SNX13: variants seen among roughly 807,000 people sequenced by gnomAD.
The protein encoded by SNX13 is sorting nexin 13, also known as sorting nexin-13.
SNX13 carries 45 observed loss-of-function variants against 133.6 expected under a neutral mutation model. That is an observed-to-expected ratio of 0.34 (90% CI 0.27 to 0.43). SNX13 has a LOEUF of 0.43. SNX13 is among the 20% of genes least tolerant of loss of function. The pLI is 1.00. For synonymous variants in SNX13, 414 were observed against 373.9 expected (o/e 1.11, Z -1.24); for missense variants, 1,032 against 1,145.1 (o/e 0.90, Z 1.43).
chr7:17,911,275 T>C (rs921752319), intron 1 of SNX13, among the ~76,000 whole-genome samples: 3 of 152,312 alleles, frequency 2.0e-5, no homozygotes, highest in South Asian at 2.1e-4. Context: ...TAGGAATGTA[T>C]CTGAAAAACA....
intron 9 of SNX13, among the ~76,000 whole-genome samples, chr7:17,854,113 A>AT (rs1365409664): frequency 2.0e-5 from 3 of 152,044 alleles, no homozygotes; most frequent in South Asian, 4.2e-4. Context: ...AGTGTAAAAG[A>AT]TTTTTTTTCT....
chr7:17,922,188 A>G (rs1483755351), intron 1 of SNX13, among the ~76,000 whole-genome samples: 1 of 152,218 alleles, frequency 6.6e-6, no homozygotes, highest in Non-Finnish European at 1.5e-5. Flanking sequence ...AGGGTTACAA[A>G]TACTCATTTC....
intron 8 of SNX13, among the ~76,000 whole-genome samples, chr7:17,871,647 A>G (rs1474596860): frequency 6.6e-6 from 1 of 152,056 alleles, no homozygotes; most frequent in Non-Finnish European, 1.5e-5. Context: ...TTCCCACTAC[A>G]TCTGATGTTT....
chr7:17,862,594 A>G (rs1792847068), intron 9 of SNX13, among the ~76,000 whole-genome samples: 1 of 152,224 alleles, frequency 6.6e-6, no homozygotes, highest in South Asian at 2.1e-4. Context: ...TGCAAAAGAT[A>G]TGAACAATTT....
At chr7:17,794,906 TGGG>T (rs1221712203) in intron 25 of SNX13, 1 of 151,674 alleles carries the variant, frequency 6.6e-6, no homozygotes, top group Non-Finnish European at 1.5e-5. Context: ...ATATTGGTAG[TGGG>T]GAGACTTTCA....
chr7:17,826,164 A>T, intron 16 of SNX13, 73 bp from the exon 17 acceptor site: 1 of 901,738 alleles, frequency 1.1e-6, no homozygotes, highest in Non-Finnish European at 1.7e-6. Context: ...ATTCTACATC[A>T]TATATGCATT....
intron 1 of SNX13, among the ~76,000 whole-genome samples, chr7:17,904,746 T>C (rs922958300): frequency 1.3e-5 from 2 of 152,170 alleles, no homozygotes; most frequent in Admixed American, 1.3e-4. Flanking sequence ...ATTATATATA[T>C]AGTTCAACAA....
chr7:17,792,882 G>A lies in SNX13; in HGVS notation c.*1163C>T, dbSNP rs1223488521. 2.0e-5 allele frequency: 3 copies of A among 152,064 alleles called. No homozygotes were observed. Among genetic ancestry groups the A allele is most frequent in the Non-Finnish European group, 4.4e-5 (3 of 67,768 alleles). 9.4% of individuals were successfully genotyped at this position (152,064 alleles called of 1,614,324 possible). Reference sequence around the variant, plus strand: ...TTTTATTGATATAAAATTAATTTATGGGTTTAAAGGTATACACTGAGGGGT... The same window carrying A: ...TTTTATTGATATAAAATTAATTTATAGGTTTAAAGGTATACACTGAGGGGT... On this transcript the variant is annotated 3_prime_UTR_variant, in exon 26 of 26. Coordinates refer to ENST00000428135, the MANE Select transcript of SNX13 (RefSeq NM_015132.5).
At chr7:17,872,051 G>C (rs991572976) in intron 8 of SNX13, among the ~76,000 whole-genome samples, 2 of 152,210 alleles carry the variant, frequency 1.3e-5, no homozygotes, top group African/African-American at 4.8e-5. Context: ...AGTCACTCAA[G>C]TGGTGATTTC....
chr7:17,930,453 G>A (rs1411779533), intron 1 of SNX13, among the ~76,000 whole-genome samples: 2 of 152,094 alleles, frequency 1.3e-5, no homozygotes, highest in Non-Finnish European at 2.9e-5. Context: ...GATTAACACT[G>A]AATCCTAGTA....
At chr7:17,819,733 A>C (rs929258813) in intron 18 of SNX13, among the ~76,000 whole-genome samples, 3 of 152,206 alleles carry the variant, frequency 2.0e-5, no homozygotes, top group Non-Finnish European at 4.4e-5. Context: ...CTGAGCTAAA[A>C]GGCAAAGACC....
At chr7:17,807,806 G>C (rs1259136351) in intron 20 of SNX13, among the ~76,000 whole-genome samples, 1 of 147,944 alleles carries the variant, frequency 6.8e-6, no homozygotes, top group Non-Finnish European at 1.5e-5. Flanking sequence ...AGCCTCTGCT[G>C]GTGATACTCG....
intron 9 of SNX13, among the ~76,000 whole-genome samples, chr7:17,866,067 G>T (rs2723540): frequency 0.56 from 84,541 of 151,872 alleles, 24,041 homozygotes; most frequent in South Asian, 0.68. Context: ...AACAATCCAT[G>T]ACATTGGTCT....
intron 1 of SNX13, among the ~76,000 whole-genome samples, chr7:17,926,681 G>A (rs1023351307): frequency 1.3e-5 from 2 of 152,160 alleles, no homozygotes; most frequent in African/African-American, 4.8e-5. Context: ...GAGCTCGGGA[G>A]TTTGAGATCA....
intron 1 of SNX13, among the ~76,000 whole-genome samples, chr7:17,932,351 T>C (rs184901022): frequency 2.0e-5 from 3 of 152,332 alleles, no homozygotes; most frequent in Admixed American, 6.5e-5. Context: ...TTTTGTCCCA[T>C]TGCTCTTAAA....
chr7:17,915,136 A>G (rs1799402039), intron 1 of SNX13, among the ~76,000 whole-genome samples: 1 of 152,212 alleles, frequency 6.6e-6, no homozygotes, highest in African/African-American at 2.4e-5. Context: ...AGAGCATTAT[A>G]TTATGATAAA....
At chr7:17,924,559 T>C (rs1215774995) in intron 1 of SNX13, among the ~76,000 whole-genome samples, 3 of 152,174 alleles carry the variant, frequency 2.0e-5, no homozygotes, top group Non-Finnish European at 4.4e-5. Context: ...AGTTTGCAGT[T>C]TCTCAAAAGG....
At chr7:17,812,536 C>T (rs1207340223) in intron 20 of SNX13, among the ~76,000 whole-genome samples, 1 of 152,180 alleles carries the variant, frequency 6.6e-6, no homozygotes, top group Non-Finnish European at 1.5e-5. Context: ...AATGCTTTTA[C>T]ACTGTTGGTG....
chr7:17,899,049 T>C (rs1486094053), intron 1 of SNX13: 7 of 152,136 alleles, frequency 4.6e-5, no homozygotes, highest in African/African-American at 1.4e-4. Context: ...AAGTAGGACA[T>C]AGTTATTTAG....
Sources: gnomAD v4.1 joint callset for allele counts (sites outside exome capture counted in the v4.1 genomes callset) on GRCh38, gnomAD v4.1.1 for gene constraint, MANE v1.5 for transcripts, NCBI Gene and HGNC (gene_info 2026-07-23, HGNC 2026-07-21) for gene names.